VSIG1: variants seen among roughly 807,000 people sequenced by gnomAD.
VSIG1 encodes V-set and immunoglobulin domain-containing protein 1.
A neutral mutation model predicts 20.1 loss-of-function variants in VSIG1; 11 were observed. The observed-to-expected ratio is 0.55, with a 90% confidence interval of 0.34 to 0.91. The LOEUF (loss-of-function observed/expected upper bound fraction) is 0.91, where lower values mean the gene tolerates loss of function less well. Among genes scored for constraint, VSIG1 ranks in the 40% least tolerant of loss-of-function variants. The probability of loss-of-function intolerance (pLI) is 0.02; values close to 1 mark genes in which losing one functional copy is unlikely to be tolerated. For synonymous variants in VSIG1, 126 were observed against 116.7 expected (o/e 1.08, Z -0.52); for missense variants, 283 against 298.8 (o/e 0.95, Z 0.39).
intron 2 of VSIG1, among the ~76,000 whole-genome samples, chrX:108,060,804 G>A (rs5962936): frequency 8.9e-6 from 1 of 112,317 alleles, no homozygotes; most frequent in Non-Finnish European, 1.9e-5. Flanking sequence ...GAAGCACTAC[G>A]AAGCCTTCTA....
At chrX:108,064,398 G>A (rs1177928379) in intron 2 of VSIG1, among the ~76,000 whole-genome samples, 1 of 111,700 alleles carries the variant, frequency 9.0e-6, no homozygotes, top group Non-Finnish European at 1.9e-5. Context: ...AGGTAGTAAA[G>A]GTCTTTTTCA....
At chrX:108,039,512 C>A in the VSIG1 span, among the ~76,000 whole-genome samples, 1 of 111,874 alleles carries the variant, frequency 8.9e-6, no homozygotes, top group African/African-American at 3.3e-5. Flanking sequence ...ATTTTAAATG[C>A]TTTGGTTTCT....
At chrX:108,025,331 G>T in the VSIG1 span, among the ~76,000 whole-genome samples, 1 of 111,827 alleles carries the variant, frequency 8.9e-6, no homozygotes, top group Non-Finnish European at 1.9e-5. Flanking sequence ...TTAATTGTAA[G>T]TCTGCCAAAA....
At chrX:108,048,446 A>T (rs1372302163) in intron 1 of VSIG1, among the ~76,000 whole-genome samples, 1 of 112,572 alleles carries the variant, frequency 8.9e-6, no homozygotes, top group Admixed American at 9.4e-5. Flanking sequence ...TTTAAAAGAG[A>T]TTACACATAT....
At chrX:108,045,342 C>T (rs1399790670) in intron 1 of VSIG1, among the ~76,000 whole-genome samples, 163 bp downstream of exon 1, 1 of 112,052 alleles carries the variant, frequency 8.9e-6, no homozygotes, top group Non-Finnish European at 1.9e-5. Context: ...CAAACATATG[C>T]CATGCTGATA....
Position 108,069,608 on chromosome X carries a change from A to G in VSIG1, c.412+2474A>G, listed in dbSNP as rs143862837. Among the ~76,000 whole-genome samples the G allele has an allele frequency of 5.1e-3, 570 of 111,506 alleles. 1 individual carries two copies. The highest frequency in any genetic ancestry group is 8.0e-3 in the Admixed American group (84 of 10,498). On this transcript the variant is annotated intron_variant, in intron 3 of 6. Coordinates refer to ENST00000217957, the MANE Select transcript of VSIG1 (RefSeq NM_182607.5). ...TTCCTTAAAGATGACTCTCATAGCA[A>G]TGTATCTTTCAGATGTTTTGTTACC...
the VSIG1 span, among the ~76,000 whole-genome samples, chrX:108,035,181 C>A: frequency 1.8e-5 from 2 of 111,352 alleles, no homozygotes; most frequent in African/African-American, 6.5e-5. Context: ...TCACTGAAAC[C>A]TCCGCTTCCT....
rs1322266042 is a variant in VSIG1, at chrX:108,058,022, A to T, written c.50-16A>T. ...TTGAGTATGTACTATTGATTTTTTT[A>T]TGATTATCTTTTCAGGTCAGGTTAG... On this transcript the variant is annotated splice_polypyrimidine_tract_variant and intron_variant, in intron 1 of 6. Transcript: ENST00000217957. 5.9e-6 allele frequency: 7 copies of T among 1,191,007 alleles called. No homozygotes were observed. Among genetic ancestry groups the T allele is most frequent in the Non-Finnish European group, 7.9e-6 (7 of 885,578 alleles).
intron 1 of VSIG1, among the ~76,000 whole-genome samples, chrX:108,055,167 T>C: frequency 9.0e-6 from 1 of 110,832 alleles, no homozygotes; most frequent in Middle Eastern, 4.7e-3. Context: ...AATGAGAGAA[T>C]ATTATGAACA....
the VSIG1 span, among the ~76,000 whole-genome samples, chrX:108,028,836 T>A: frequency 9.0e-6 from 1 of 111,551 alleles, no homozygotes. Flanking sequence ...TGAGTCCCAC[T>A]ACTGAGCTTT....
At chrX:108,069,357 A>C (rs781410845) in intron 3 of VSIG1, among the ~76,000 whole-genome samples, 1 of 111,989 alleles carries the variant, frequency 8.9e-6, no homozygotes, top group East Asian at 2.8e-4. Context: ...AACTCTAAAA[A>C]ATATTGTTTT....
At chrX:108,072,586 A>G (rs756833602) in intron 3 of VSIG1, 91 bp from the exon 4 acceptor site, 2 of 911,208 alleles carry the variant, frequency 2.2e-6, no homozygotes, top group Non-Finnish European at 3.1e-6. Flanking sequence ...AAACACACAT[A>G]TTATTCAAAA....
chrX:108,021,454 C>T, the VSIG1 span, among the ~76,000 whole-genome samples: 4 of 112,166 alleles, frequency 3.6e-5, no homozygotes, highest in African/African-American at 1.3e-4. Context: ...ATTATGGATA[C>T]TAGACCATTA....
intron 1 of VSIG1, among the ~76,000 whole-genome samples, chrX:108,054,851 C>T (rs1214443742): frequency 1.8e-5 from 2 of 108,389 alleles, no homozygotes; most frequent in African/African-American, 6.7e-5. Flanking sequence ...TAAATGTTTA[C>T]ATTGGAAATA....
intron 3 of VSIG1, among the ~76,000 whole-genome samples, chrX:108,071,920 C>A (rs60241581): frequency 0.34 from 34,293 of 99,743 alleles, 5,053 homozygotes; most frequent in Non-Finnish European, 0.41. Context: ...AGAAAATAAT[C>A]ATGAGAGAAA....
At position 108,077,625 on chromosome X, in the gene VSIG1, G is replaced by A. The variant is rs764845357; in HGVS notation, c.*244G>A. 4 of 346,990 alleles carry A rather than the reference G, an allele frequency of 1.2e-5. No homozygotes were observed. Among genetic ancestry groups the A allele is most frequent in the Non-Finnish European group, 2.0e-5 (4 of 203,338 alleles). The allele number at this position is 346,990 out of a possible 1,213,427, so 28.6% of individuals were successfully genotyped here. A position where few individuals can be genotyped will look rare whatever the true frequency, so the allele number is the denominator to read the frequency against. ...AACACGTAAGCATAACAAATGACAG[G>A]GCAAGTGATTTCTAACTTAGTTGAG... is the stretch of plus-strand genomic sequence containing the variant. On this transcript the variant is annotated 3_prime_UTR_variant, in exon 7 of 7. Coordinates refer to ENST00000217957, the MANE Select transcript of VSIG1 (RefSeq NM_182607.5).
chrX:108,041,896 A>G (rs1211422381), upstream of VSIG1, among the ~76,000 whole-genome samples: 1 of 108,362 alleles, frequency 9.2e-6, no homozygotes. Flanking sequence ...AACAGCTTCT[A>G]ATGCGTGCTA....
intron 1 of VSIG1, among the ~76,000 whole-genome samples, chrX:108,055,759 C>A (rs1422857476): frequency 9.0e-6 from 1 of 111,723 alleles, no homozygotes; most frequent in Non-Finnish European, 1.9e-5. Context: ...AATCCAATAC[C>A]CATTCATCAT....
intron 1 of VSIG1, among the ~76,000 whole-genome samples, chrX:108,053,882 ATAGGTTTG>A (rs1455207865): frequency 9.0e-6 from 1 of 111,341 alleles, no homozygotes; most frequent in East Asian, 2.8e-4. Flanking sequence ...AAACTTTATC[ATAGGTTTG>A]TGTGTATGGG....
Sources: allele counts gnomAD v4.1 joint callset (sites outside exome capture counted in the v4.1 genomes callset), GRCh38; gene constraint gnomAD v4.1.1; transcripts MANE v1.5; gene names NCBI Gene and HGNC (gene_info 2026-07-23, HGNC 2026-07-21).